The following MGST2 variants were observed in gnomAD, a reference collection of about 807,000 sequenced individuals.
MGST2 encodes glutathione peroxidase MGST2.
A neutral mutation model predicts 16.6 loss-of-function variants in MGST2; 9 were observed. The observed-to-expected ratio is 0.54, with a 90% CI of 0.33 to 0.95. The LOEUF (loss-of-function observed/expected upper bound fraction) is 0.95. Among genes scored for constraint, MGST2 ranks in the 40% least tolerant of loss-of-function variants. The pLI is 0.03. For missense variants in MGST2, 159 were observed against 175.1 expected (o/e 0.91, Z 0.52); for synonymous variants, 79 against 68.0 (o/e 1.16, Z -0.79).
At chr4:139,682,521 T>G (rs1698234953) in intron 2 of MGST2, among the ~76,000 whole-genome samples, 1 of 151,920 alleles carries the variant, frequency 6.6e-6, no homozygotes, top group South Asian at 2.1e-4. Context: ...CTCAGAGAGG[T>G]CATAGACGGC....
intron 3 of MGST2, among the ~76,000 whole-genome samples, chr4:139,702,844 G>GTTTTTTTTTTTTT (rs70943436): frequency 0.01 from 466 of 46,386 alleles, 40 homozygotes; most frequent in East Asian, 0.05. Flanking sequence ...TGTGTTACTG[G>GTTTTTTTTTTTTT]TTTTTTTTTT....
At chr4:139,719,657 C>A in intron 5 of MGST2, 1 of 1,612,882 alleles carries the variant, frequency 6.2e-7, no homozygotes, top group South Asian at 1.1e-5. Flanking sequence ...CATCATCTGC[C>A]GACCCATGGC....
In MGST2 at chr4:139,703,444, C is replaced by T. The variant is rs181185222; in HGVS notation, c.230-11C>T. 239 of 1,610,064 alleles carry T rather than the reference C, an allele frequency of 1.5e-4. No individual in the cohort carries two copies. In the African/African-American group the frequency reaches 3.0e-3, roughly 20 times the overall value. On this transcript the variant is annotated splice_polypyrimidine_tract_variant and intron_variant, in intron 3 of 4. Coordinates refer to ENST00000265498, the MANE Select transcript of MGST2 (RefSeq NM_002413.5). ...TTGTGCCTTTTCTTTTTTTTTCCCA[C>T]CCCCCTATAGTTTTTGCTACTTGTC...
chr4:139,680,893 G>T (rs1043371077), intron 2 of MGST2, among the ~76,000 whole-genome samples: 2 of 152,110 alleles, frequency 1.3e-5, no homozygotes, highest in African/African-American at 4.8e-5. Flanking sequence ...GAAGCTTCAG[G>T]ATCTTGCCTG....
At chr4:139,672,508 C>A (rs1730751062) in intron 1 of MGST2, among the ~76,000 whole-genome samples, 1 of 152,066 alleles carries the variant, frequency 6.6e-6, no homozygotes, top group Non-Finnish European at 1.5e-5. Flanking sequence ...TCTGTACATT[C>A]CTTCTCCTCA....
intron 5 of MGST2, among the ~76,000 whole-genome samples, chr4:139,734,904 G>A (rs535896068): frequency 1.3e-5 from 2 of 152,368 alleles, no homozygotes; most frequent in Non-Finnish European, 2.9e-5. Flanking sequence ...AGGACGCCCA[G>A]GGCTTCAGCC....
chr4:139,690,590 T>G (rs1487467638), intron 2 of MGST2, among the ~76,000 whole-genome samples: 1 of 152,216 alleles, frequency 6.6e-6, no homozygotes, highest in Non-Finnish European at 1.5e-5. Context: ...TGGTCCTATG[T>G]GGGAGCTCCT....
intron 5 of MGST2, among the ~76,000 whole-genome samples, chr4:139,732,274 A>C (rs1331575898): frequency 6.6e-6 from 1 of 152,172 alleles, no homozygotes; most frequent in Non-Finnish European, 1.5e-5. Context: ...TCTCTCCTAG[A>C]GAGACCGTCC....
intron 2 of MGST2, among the ~76,000 whole-genome samples, chr4:139,691,687 TGATGATGATG>T (rs1560747868): frequency 2.0e-5 from 3 of 146,924 alleles, no homozygotes; most frequent in African/African-American, 5.1e-5. Context: ...ATGATGATGA[TGATGATGATG>T]ATTATTATTA....
chr4:139,738,815 ATG>A (rs1386972853), intron 5 of MGST2, among the ~76,000 whole-genome samples: 3 of 152,184 alleles, frequency 2.0e-5, no homozygotes, highest in African/African-American at 7.2e-5. Flanking sequence ...TAATATTTTG[ATG>A]TGTTTTTATA....
rs764475226 is a variant in MGST2 at position 139,678,602 on chromosome 4, G to A, written c.118G>A (p.Val40Ile). 1 of 1,614,002 alleles carries A rather than the reference G, an allele frequency of 6.2e-7. No individual in the cohort carries two copies. Among genetic ancestry groups the A allele is most frequent in the African/African-American group, 1.3e-5 (1 of 74,932 alleles). The change falls in exon 2 of 5, where the codon GTC (valine) becomes ATC (isoleucine). Residue 40 changes from valine (V) to isoleucine (I), a missense_variant. Physicochemically the swap from Val to Ile is conservative, Grantham distance 29. Coordinates refer to ENST00000265498, the MANE Select transcript of MGST2 (RefSeq NM_002413.5). ...AAAATACAAAGTTACGCCCCCAGCAGTCACTGGGTCACCAGAGTTTGAGAG... is the reference window on the plus strand; with the variant it reads ...AAAATACAAAGTTACGCCCCCAGCAATCACTGGGTCACCAGAGTTTGAGAG... ...RLKYKVTPPA[V>I]TGSPEFERVF...
downstream of MGST2, among the ~76,000 whole-genome samples, chr4:139,742,511 G>A (rs534898782): frequency 1.3e-5 from 2 of 152,260 alleles, no homozygotes; most frequent in East Asian, 3.9e-4. Context: ...GCAGTGCTTG[G>A]CTTATAGTAG....
chr4:139,678,800 A>G (rs899528665), intron 2 of MGST2, 158 bp downstream of exon 2: 4 of 697,658 alleles, frequency 5.7e-6, no homozygotes, highest in Non-Finnish European at 1.0e-5. Flanking sequence ...CAGAATCCAG[A>G]AAGTTTGAAG....
intron 5 of MGST2, chr4:139,720,211 G>A: frequency 1.2e-6 from 2 of 1,613,750 alleles, no homozygotes; most frequent in Non-Finnish European, 1.7e-6. Flanking sequence ...TCGTCCCAGG[G>A]TTCTGGGAGG....
chr4:139,717,397 C>CTCTT (rs1728022695), intron 5 of MGST2: 1 of 152,208 alleles, frequency 6.6e-6, no homozygotes, highest in Non-Finnish European at 1.5e-5. Context: ...TTGGTTTCAT[C>CTCTT]TCTTTGATCC....
intron 5 of MGST2, chr4:139,725,928 TC>T: frequency 2.0e-6 from 2 of 1,013,036 alleles, no homozygotes; most frequent in Non-Finnish European, 3.0e-6. Flanking sequence ...GGTAGTGTTT[TC>T]CCCAAAACTA....
chr4:139,701,413 G>A (rs1390836819), intron 3 of MGST2, among the ~76,000 whole-genome samples: 3 of 151,948 alleles, frequency 2.0e-5, no homozygotes, highest in East Asian at 1.9e-4. Flanking sequence ...TGCTTGGTCC[G>A]CTCGTTCCTG....
intron 5 of MGST2, among the ~76,000 whole-genome samples, chr4:139,725,052 C>A (rs1164030932): frequency 1.3e-5 from 2 of 152,202 alleles, no homozygotes; most frequent in African/African-American, 4.8e-5. Context: ...AGCCACCGCA[C>A]CCGGCCAAGG....
At position 139,691,681 on chromosome 4, in the gene MGST2, TGATG is replaced by T. The variant is rs1560747779; in HGVS notation, c.159-3515_159-3512del. ...ACTGGCAGTCAGATGATGATGATGA[TGATG>T]ATGATGATGATGATTATTATTATTA... On this transcript the variant is annotated intron_variant, in intron 2 of 4. Coordinates refer to ENST00000265498, the MANE Select transcript of MGST2 (RefSeq NM_002413.5). 0.01 allele frequency among the ~76,000 whole-genome samples: 1,447 copies of T among 138,458 alleles called. 60 individuals are homozygous for T. In the East Asian group the frequency reaches 0.13, roughly 12 times the overall value. 90.8% of individuals were successfully genotyped at this position (138,458 alleles called of 152,430 possible). A position where few individuals can be genotyped will look rare whatever the true frequency, so the allele number is the denominator to read the frequency against.
Sources: gnomAD v4.1 joint callset for allele counts (sites outside exome capture counted in the v4.1 genomes callset) on GRCh38, gnomAD v4.1.1 for gene constraint, MANE v1.5 for transcripts, NCBI Gene and HGNC (gene_info 2026-07-23, HGNC 2026-07-21) for gene names.